Variants in REC114 observed in about 807,000 individuals in gnomAD.
The protein encoded by REC114 is meiotic recombination protein REC114.
A neutral mutation model predicts 31.3 loss-of-function variants in REC114; 27 were observed. The observed-to-expected ratio is 0.86, with a 90% CI of 0.64 to 1.19. The LOEUF is 1.19. REC114 is among the 50% of genes most tolerant of loss of function. REC114 has a pLI of 0.00. For missense variants in REC114, 344 were observed against 326.9 expected (o/e 1.05, Z -0.40); for synonymous variants, 134 against 127.7 (o/e 1.05, Z -0.33).
rs141771533 is a variant in REC114 at position 73,453,316 on chromosome 15, G to A, written c.159+9972G>A. 7.1e-3 allele frequency among the ~76,000 whole-genome samples: 1,074 copies of A among 151,728 alleles called. 11 individuals carry two copies. Among genetic ancestry groups the A allele is most frequent in the African/African-American group, 0.024 (990 of 41,492 alleles). On this transcript the variant is annotated intron_variant, in intron 1 of 5. Transcript: ENST00000331090. ...AAGTCAACCCCATCAAAAAGTGGGC[G>A]AAGGATATGTACAAAAGAAGACATT...
intron 2 of REC114, among the ~76,000 whole-genome samples, chr15:73,522,735 T>G (rs1893953153): frequency 6.6e-6 from 1 of 152,226 alleles, no homozygotes; most frequent in Non-Finnish European, 1.5e-5. Flanking sequence ...AAAACGGTTA[T>G]AAACATTAGT....
At chr15:73,461,762 G>A (rs950730159) in intron 1 of REC114, among the ~76,000 whole-genome samples, 15 of 152,114 alleles carry the variant, frequency 9.9e-5, no homozygotes, top group East Asian at 7.7e-4. Flanking sequence ...TGCCATAGGC[G>A]GAGGTCATAT....
intron 1 of REC114, among the ~76,000 whole-genome samples, chr15:73,443,787 A>T (rs1892730040): frequency 6.6e-6 from 1 of 152,156 alleles, no homozygotes; most frequent in Non-Finnish European, 1.5e-5. Context: ...CACAGGACTA[A>T]ATTTGAATCC....
At chr15:73,493,162 A>G (rs2141303884) in intron 2 of REC114, among the ~76,000 whole-genome samples, 1 of 152,204 alleles carries the variant, frequency 6.6e-6, no homozygotes, top group Non-Finnish European at 1.5e-5. Flanking sequence ...GACTATAGGC[A>G]CATATGCCAA....
intron 5 of REC114, among the ~76,000 whole-genome samples, chr15:73,557,251 G>A (rs1032677553): frequency 1.3e-5 from 2 of 151,290 alleles, no homozygotes; most frequent in Non-Finnish European, 2.9e-5. Flanking sequence ...TGTATTTTTA[G>A]TAGAGTCAGG....
At chr15:73,537,523 T>C (rs1894173323) in intron 2 of REC114, among the ~76,000 whole-genome samples, 1 of 152,194 alleles carries the variant, frequency 6.6e-6, no homozygotes, top group Non-Finnish European at 1.5e-5. Context: ...AGTGGTCTCC[T>C]TGCAGGTTCC....
chr15:73,458,224 A>G (rs2151253407), intron 1 of REC114, among the ~76,000 whole-genome samples: 1 of 152,290 alleles, frequency 6.6e-6, no homozygotes, highest in South Asian at 2.1e-4. Context: ...ACCTTTTTCC[A>G]TTTAATTCTC....
At chr15:73,524,662 A>T (rs546953197) in intron 2 of REC114, among the ~76,000 whole-genome samples, 1 of 152,046 alleles carries the variant, frequency 6.6e-6, no homozygotes, top group South Asian at 2.1e-4. Flanking sequence ...CAGTAGTGTG[A>T]TCTTGGCTCA....
At chr15:73,452,281 CAA>C (rs1369397821) in intron 1 of REC114, among the ~76,000 whole-genome samples, 1 of 152,222 alleles carries the variant, frequency 6.6e-6, no homozygotes, top group Non-Finnish European at 1.5e-5. Flanking sequence ...GCAACTTCAG[CAA>C]AGTCTCAGGA....
intron 4 of REC114, among the ~76,000 whole-genome samples, chr15:73,555,778 CTAAAA>C (rs1184266070): frequency 6.6e-6 from 1 of 152,104 alleles, no homozygotes; most frequent in Non-Finnish European, 1.5e-5. Context: ...TTCAGAATAT[CTAAAA>C]TGAGATTTAA....
intron 5 of REC114, among the ~76,000 whole-genome samples, chr15:73,559,550 G>C (rs188806655): frequency 9.1e-4 from 139 of 152,326 alleles, no homozygotes; most frequent in African/African-American, 3.1e-3. Context: ...CACATGCTAT[G>C]TGTATTCAGA....
At chr15:73,554,480 G>C (rs932615022) in intron 4 of REC114, among the ~76,000 whole-genome samples, 6 of 152,148 alleles carry the variant, frequency 3.9e-5, no homozygotes, top group Non-Finnish European at 7.4e-5. Context: ...TCTATTTCAA[G>C]TTCTTGAGTC....
chr15:73,496,091 C>T (rs1239314213), intron 2 of REC114, among the ~76,000 whole-genome samples: 3 of 151,854 alleles, frequency 2.0e-5, no homozygotes, highest in Non-Finnish European at 4.4e-5. Flanking sequence ...CGGTGGCTCA[C>T]GGCTGTAATC....
chr15:73,551,125 C>T lies in REC114; in HGVS notation c.521C>T (p.Ala174Val). ...ACTGAAAGTCAAGGGAAGGATTCTG[C>T]AAAGAGTGTCCCACGGCAGCCTGGA... Reference protein sequence around the residue: ...RATESQGKDSAKSVPRQPGSH... With the variant: ...RATESQGKDSVKSVPRQPGSH... Residue 174 changes from alanine (A) to valine (V), a missense_variant, in exon 4 of 6, where the codon GCA (alanine) becomes GTA (valine). By Grantham distance (64) the Ala-to-Val change is moderately conservative. Coordinates refer to ENST00000331090, the MANE Select transcript of REC114 (RefSeq NM_001042367.2). 1 of 1,610,478 alleles carries T rather than the reference C, an allele frequency of 6.2e-7. No homozygotes were observed. Among genetic ancestry groups the T allele is most frequent in the Non-Finnish European group, 8.5e-7 (1 of 1,178,346 alleles).
At position 73,556,340 on chromosome 15, in the gene REC114, A is replaced by C. The variant is rs771620981; in HGVS notation, c.585A>C (p.Thr195=). The C allele has an allele frequency of 3.7e-6, 6 of 1,613,860 alleles. No homozygotes were observed. The South Asian group carries it at 6.6e-5, about 18-fold the overall frequency. The change falls in exon 5 of 6, where the codon ACA becomes ACC. Residue 195 remains threonine, a synonymous_variant. Coordinates refer to ENST00000331090, the MANE Select transcript of REC114 (RefSeq NM_001042367.2). The part of the protein sequence containing the change: ...QHSEQQQVCV[T]AGTGAPDGRT... ...CAGAACAACAGCAAGTGTGTGTAAC[A>C]GCGGGCACAGGCGCTCCAGACGGAA...
chr15:73,504,379 A>AT (rs2141310467), intron 2 of REC114, among the ~76,000 whole-genome samples: 1 of 152,254 alleles, frequency 6.6e-6, no homozygotes, highest in East Asian at 1.9e-4. Flanking sequence ...TAGGAATTCA[A>AT]TATTTTTTTC....
Position 73,554,913 on chromosome 15 carries a change from A to C in REC114, c.547-1389A>C, listed in dbSNP as rs145957102. Among the ~76,000 whole-genome samples, 1,051 of 152,370 alleles carry C rather than the reference A, an allele frequency of 6.9e-3. 10 individuals are homozygous for C. Among genetic ancestry groups the C allele is most frequent in the South Asian group, 0.019 (92 of 4,830 alleles). The stretch of plus-strand genomic sequence containing the variant: ...CATATGTCATAGCTGAAGAAACACT[A>C]GGCACTAGAGGCTGCCTTGTTTTTA... On this transcript the variant is annotated intron_variant, in intron 4 of 5. Coordinates refer to ENST00000331090, the MANE Select transcript of REC114 (RefSeq NM_001042367.2).
At chr15:73,509,381 T>C in intron 2 of REC114, among the ~76,000 whole-genome samples, 1 of 150,500 alleles carries the variant, frequency 6.6e-6, no homozygotes, top group Non-Finnish European at 1.5e-5. Context: ...TTTTCTCCCA[T>C]TTTGTAGGTT....
intron 1 of REC114, among the ~76,000 whole-genome samples, chr15:73,453,140 A>C (rs566778943): frequency 5.5e-4 from 84 of 152,300 alleles, no homozygotes; most frequent in African/African-American, 2.0e-3. Flanking sequence ...AATGGGATCT[A>C]ATTAAACTAA....
Sources: gnomAD v4.1 joint callset for allele counts (sites outside exome capture counted in the v4.1 genomes callset) on GRCh38, gnomAD v4.1.1 for gene constraint, MANE v1.5 for transcripts, NCBI Gene and HGNC (gene_info 2026-07-23, HGNC 2026-07-21) for gene names.